AGBL1: variants seen among roughly 807,000 people sequenced by gnomAD.
AGBL1 encodes AGBL carboxypeptidase 1.
AGBL1 carries 130 observed loss-of-function variants against 118.9 expected under a neutral mutation model. That is an observed-to-expected ratio of 1.09 (90% CI 0.95 to 1.26). The LOEUF (loss-of-function observed/expected upper bound fraction) is 1.26. Ranked by LOEUF, AGBL1 falls within the 50% of genes most tolerant of loss-of-function variation. AGBL1 has a pLI of 0.00. For synonymous variants in AGBL1, 555 were observed against 478.9 expected (o/e 1.16, Z -2.08); for missense variants, 1,584 against 1,298.1 (o/e 1.22, Z -3.38).
intron 5 of AGBL1, among the ~76,000 whole-genome samples, chr15:86,204,639 G>A (rs747917319): frequency 6.6e-6 from 1 of 152,056 alleles, no homozygotes; most frequent in South Asian, 2.1e-4. Flanking sequence ...ACCCAGGCTG[G>A]AGTGCAGTGG....
intron 18 of AGBL1, among the ~76,000 whole-genome samples, chr15:86,405,693 T>A (rs936188942): frequency 2.0e-5 from 3 of 152,090 alleles, no homozygotes; most frequent in Non-Finnish European, 4.4e-5. Flanking sequence ...TAAAATAGAT[T>A]TGTTTTCTAA....
chr15:86,761,832 G>C (rs1048970180), intron 22 of AGBL1, among the ~76,000 whole-genome samples: 8 of 152,014 alleles, frequency 5.3e-5, no homozygotes, highest in African/African-American at 1.7e-4. Flanking sequence ...AAGCGCTTTA[G>C]TTTAATAACA....
chr15:86,699,898 C>G (rs2086326579), intron 22 of AGBL1, among the ~76,000 whole-genome samples: 1 of 151,998 alleles, frequency 6.6e-6, no homozygotes, highest in Admixed American at 6.6e-5. Context: ...ATGCACCTAC[C>G]AGTTTTAGCA....
intron 22 of AGBL1, among the ~76,000 whole-genome samples, chr15:86,706,174 ATATAT>A (rs2086446307): frequency 6.6e-6 from 1 of 152,132 alleles, no homozygotes; most frequent in African/African-American, 2.4e-5. Context: ...TAAATTAACT[ATATAT>A]TATATATGTC....
At chr15:86,703,433 C>T (rs1463844673) in intron 22 of AGBL1, among the ~76,000 whole-genome samples, 2 of 152,016 alleles carry the variant, frequency 1.3e-5, no homozygotes, top group Admixed American at 1.3e-4. Context: ...TTTCCGAGTC[C>T]ATCAAATAGG....
chr15:86,250,693 C>T (rs181120525), intron 7 of AGBL1, among the ~76,000 whole-genome samples: 154 of 152,042 alleles, frequency 1.0e-3, no homozygotes, highest in African/African-American at 3.7e-3. Context: ...GGCTTAGAAA[C>T]CAAATGGCTT....
rs544102508 is a variant in AGBL1 at position 86,562,129 on chromosome 15, A to C, written c.2994+7592A>C. Among the ~76,000 whole-genome samples, 7 of 152,230 alleles carry C rather than the reference A, an allele frequency of 4.6e-5. No individual in the cohort carries two copies. The East Asian group carries it at 1.4e-3, about 29-fold the overall frequency. ...GGACAATTTGACTTCCTTTTTTCCTAATGGAATACCCTTTATTTCTTTCTC... is the reference window on the plus strand; with the variant it reads ...GGACAATTTGACTTCCTTTTTTCCTCATGGAATACCCTTTATTTCTTTCTC... On this transcript the variant is annotated intron_variant, in intron 21 of 22. Coordinates refer to ENST00000614907, the MANE Select transcript of AGBL1 (RefSeq NM_001386094.1).
intron 19 of AGBL1, among the ~76,000 whole-genome samples, chr15:86,539,970 A>G (rs1567047189): frequency 6.6e-6 from 1 of 152,206 alleles, no homozygotes; most frequent in Non-Finnish European, 1.5e-5. Context: ...AGAAATGAAA[A>G]GTGTTTTAAA....
intron 22 of AGBL1, among the ~76,000 whole-genome samples, chr15:86,858,228 A>T (rs1299875749): frequency 6.6e-6 from 1 of 152,222 alleles, no homozygotes; most frequent in African/African-American, 2.4e-5. Flanking sequence ...TGGAATGGAA[A>T]TAAATAATTG....
At chr15:86,156,284 G>T (rs2077189273) in intron 4 of AGBL1, among the ~76,000 whole-genome samples, 1 of 152,068 alleles carries the variant, frequency 6.6e-6, no homozygotes, top group African/African-American at 2.4e-5. Context: ...GTTTCTACTG[G>T]CCCCTCTCTT....
chr15:86,898,419 A>G (rs1286129981), intron 22 of AGBL1, among the ~76,000 whole-genome samples: 1 of 152,220 alleles, frequency 6.6e-6, no homozygotes, highest in Non-Finnish European at 1.5e-5. Context: ...AATCTGCTGC[A>G]TATGACTAGC....
chr15:86,926,441 C>T (rs781742867), intron 23 of AGBL1, among the ~76,000 whole-genome samples: 6 of 152,158 alleles, frequency 3.9e-5, no homozygotes, highest in Non-Finnish European at 8.8e-5. Flanking sequence ...TGTAAACAAC[C>T]TCCTTTTAAG....
Position 86,910,784 on chromosome 15 carries a change from CCTG to C in AGBL1, c.*3491_*3493del, listed in dbSNP as rs2080339792. The C allele has an allele frequency of 6.6e-6, 1 of 152,140 alleles. No individual in the cohort carries two copies. The highest frequency in any genetic ancestry group is 2.1e-4 in the South Asian group (1 of 4,814). The allele number at this position is 152,140 out of a possible 1,614,324, so 9.4% of individuals were successfully genotyped here. A position where few individuals can be genotyped will look rare whatever the true frequency, so the allele number is the denominator to read the frequency against. On this transcript the variant is annotated 3_prime_UTR_variant, in exon 23 of 23. Transcript: ENST00000614907. ...TGATTTTGGGGACACAGGTGAATGT[CCTG>C]AGCACCTAAGCCCAGGTGTCAGTGA... is the stretch of plus-strand genomic sequence containing the variant.
intron 22 of AGBL1, among the ~76,000 whole-genome samples, chr15:86,690,733 T>G (rs962501103): frequency 2.6e-5 from 4 of 152,096 alleles, no homozygotes; most frequent in Admixed American, 2.6e-4. Flanking sequence ...CCATAGAAAA[T>G]TATGCTTCAT....
intron 23 of AGBL1, among the ~76,000 whole-genome samples, chr15:86,942,402 G>A (rs956178549): frequency 3.3e-5 from 5 of 152,102 alleles, no homozygotes; most frequent in East Asian, 1.9e-4. Context: ...AGTTTCTTCC[G>A]AGGGTTTTAG....
At chr15:86,681,261 G>A (rs139307364) in intron 22 of AGBL1, among the ~76,000 whole-genome samples, 1 of 152,232 alleles carries the variant, frequency 6.6e-6, no homozygotes, top group East Asian at 1.9e-4. Flanking sequence ...GCTCTTTGCT[G>A]ATAACATATT....
intron 22 of AGBL1, among the ~76,000 whole-genome samples, chr15:86,716,074 A>C (rs1263714525): frequency 1.3e-5 from 2 of 152,044 alleles, no homozygotes; most frequent in Non-Finnish European, 2.9e-5. Context: ...TCAAAAAAAA[A>C]AAAAAAAAGA....
At chr15:86,123,302 C>A (rs1348000039) in intron 1 of AGBL1, among the ~76,000 whole-genome samples, 1 of 152,156 alleles carries the variant, frequency 6.6e-6, no homozygotes, top group African/African-American at 2.4e-5. Context: ...TGCAGTGGCA[C>A]AATCTCAGCT....
chr15:87,025,199 T>G (rs2081713471), intron 24 of AGBL1, among the ~76,000 whole-genome samples: 1 of 151,996 alleles, frequency 6.6e-6, no homozygotes, highest in Non-Finnish European at 1.5e-5. Flanking sequence ...TGCTGCTGTT[T>G]GCTGATGATA....
Sources: gnomAD v4.1 joint callset for allele counts (sites outside exome capture counted in the v4.1 genomes callset) on GRCh38, gnomAD v4.1.1 for gene constraint, MANE v1.5 for transcripts, NCBI Gene and HGNC (gene_info 2026-07-23, HGNC 2026-07-21) for gene names.